The following DENND2B variants were observed in gnomAD, a reference collection of about 807,000 sequenced individuals.
The protein encoded by DENND2B is DENN domain-containing protein 2B.
DENND2B carries 32 observed loss-of-function variants against 116.0 expected under a neutral mutation model. The observed-to-expected ratio is 0.28, with a 90% confidence interval of 0.21 to 0.37. The LOEUF (loss-of-function observed/expected upper bound fraction) is 0.37, where lower values mean the gene tolerates loss of function less well. DENND2B is among the 10% of genes least tolerant of loss of function. DENND2B has a pLI of 1.00. For synonymous variants in DENND2B, 588 were observed against 583.9 expected, an observed-to-expected ratio of 1.01 and a Z score of -0.10; for missense variants, 1,276 against 1,477.7, an observed-to-expected ratio of 0.86 and a Z score of 2.24.
intron 2 of DENND2B, among the ~76,000 whole-genome samples, chr11:8,858,891 T>C (rs1026721049): frequency 3.3e-5 from 5 of 152,214 alleles, no homozygotes; most frequent in African/African-American, 9.6e-5. Context: ...TATAAGGTTG[T>C]CTGGAAGGCT....
chr11:8,876,108 G>A (rs188967776), upstream of DENND2B, among the ~76,000 whole-genome samples: 4 of 152,158 alleles, frequency 2.6e-5, no homozygotes, highest in Admixed American at 6.5e-5. Flanking sequence ...ACTATAGGCC[G>A]GGCATGGTGG....
At chr11:8,832,968 G>A (rs887744647) in intron 4 of DENND2B, among the ~76,000 whole-genome samples, 3 of 152,260 alleles carry the variant, frequency 2.0e-5, no homozygotes, top group Non-Finnish European at 4.4e-5. Context: ...GCCCAAGGCA[G>A]GCACGCAGAT....
At chr11:8,836,306 G>A (rs1248305436) in intron 4 of DENND2B, among the ~76,000 whole-genome samples, 1 of 151,472 alleles carries the variant, frequency 6.6e-6, no homozygotes, top group Non-Finnish European at 1.5e-5. Flanking sequence ...ACTTTCTCTA[G>A]CAAGTTTCAG....
Position 8,730,567 on chromosome 11 carries a change from C to T in DENND2B, c.723G>A (p.Glu241=), listed in dbSNP as rs778226110. ...GGACAGGGAGCGCCTCTCCCTCCTC[C>T]TCAGTCTCTGGGTAGGAACACTCGG... ...TFSECSYPET[E]EEGEALPVRD... The change falls in exon 3 of 20, where the codon GAG becomes GAA. Residue 241 remains glutamate, a synonymous_variant. Coordinates refer to ENST00000313726, the MANE Select transcript of DENND2B (RefSeq NM_213618.2). This position sits in a 1 kb window ranked among gnomAD's most constrained non-coding sequence, Gnocchi z 4.1. 1.7e-5 allele frequency: 27 copies of T among 1,613,124 alleles called. No homozygotes were observed. Among genetic ancestry groups the T allele is most frequent in the Non-Finnish European group, 1.8e-5 (21 of 1,180,050 alleles).
chr11:8,815,052 C>G (rs1274539679), upstream of DENND2B, among the ~76,000 whole-genome samples: 1 of 151,998 alleles, frequency 6.6e-6, no homozygotes, highest in African/African-American at 2.4e-5. Context: ...ACAGCTGCTC[C>G]CATTACCAGT....
rs528897604 is a variant in DENND2B at position 8,796,154 on chromosome 11, G to C, written c.-26+14363C>G. Among the ~76,000 whole-genome samples, 45 of 152,250 alleles carry C rather than the reference G, an allele frequency of 3.0e-4. 1 individual carries two copies. In the South Asian group the frequency reaches 9.1e-3, roughly 31 times the overall value. The stretch of plus-strand genomic sequence containing the variant: ...TGACCACAGATCTCATGAACACCAA[G>C]GAATGAGAGTTTATAAACACTGCAT... On this transcript the variant is annotated intron_variant, in intron 1 of 19. Coordinates refer to ENST00000313726, the MANE Select transcript of DENND2B (RefSeq NM_213618.2).
At chr11:8,751,393 C>G (rs542001062) in intron 1 of DENND2B, among the ~76,000 whole-genome samples, 2 of 152,244 alleles carry the variant, frequency 1.3e-5, no homozygotes, top group South Asian at 2.1e-4. Context: ...AGCAGGCTGC[C>G]CAAGCCAGCA....
upstream of DENND2B, among the ~76,000 whole-genome samples, chr11:8,875,752 T>A (rs2063834600): frequency 6.6e-6 from 1 of 152,042 alleles, no homozygotes; most frequent in Admixed American, 6.6e-5. Flanking sequence ...AAAAAAAATT[T>A]TTTATATGTA....
intron 2 of DENND2B, among the ~76,000 whole-genome samples, chr11:8,743,300 A>T (rs1428474183): frequency 6.6e-6 from 1 of 152,080 alleles, no homozygotes; most frequent in Non-Finnish European, 1.5e-5. Context: ...CTATAATTCC[A>T]GCACTTTGGG....
At chr11:8,709,568 C>T (rs1473752720) in intron 11 of DENND2B, among the ~76,000 whole-genome samples, 1 of 152,160 alleles carries the variant, frequency 6.6e-6, no homozygotes, top group African/African-American at 2.4e-5. Context: ...GGCATCACTC[C>T]TGTGCATACG....
At chr11:8,746,463 C>T (rs1005347719) in intron 2 of DENND2B, among the ~76,000 whole-genome samples, 1 of 152,148 alleles carries the variant, frequency 6.6e-6, no homozygotes, top group Non-Finnish European at 1.5e-5. Flanking sequence ...GAGAATGTAT[C>T]GGGCCTCCAA....
Position 8,720,650 on chromosome 11 carries a change from C to A in DENND2B, c.1478-2758G>T, listed in dbSNP as rs574886863. ...GCTTGGTCCCTTCACTGCCCTAACT[C>A]ATCTCTCAGCTTCCTGGACCATTCC... On this transcript the variant is annotated intron_variant, in intron 4 of 19. Coordinates refer to ENST00000313726, the MANE Select transcript of DENND2B (RefSeq NM_213618.2). Among the ~76,000 whole-genome samples, 2 of 152,360 alleles carry A rather than the reference C, an allele frequency of 1.3e-5. 1 individual carries two copies. Among genetic ancestry groups the A allele is most frequent in the South Asian group, 4.1e-4 (2 of 4,832 alleles).
At chr11:8,844,097 G>A (rs1445060073) in intron 3 of DENND2B, among the ~76,000 whole-genome samples, 1 of 152,122 alleles carries the variant, frequency 6.6e-6, no homozygotes, top group East Asian at 1.9e-4. Context: ...TCTAAATATT[G>A]GCATTTTATA....
chr11:8,844,166 G>A (rs1057334350), intron 3 of DENND2B, among the ~76,000 whole-genome samples: 1 of 152,106 alleles, frequency 6.6e-6, no homozygotes, highest in African/African-American at 2.4e-5. Flanking sequence ...TGAGGAGGCT[G>A]AGGTGGGAGA....
chr11:8,740,962 C>T lies in DENND2B; in HGVS notation c.80+9659G>A, dbSNP rs534228083. ...TTTGTTCCCCAGCCTAGAGCAGAAA[C>T]TTGCCCAGTAACAAGACATAGACAT... On this transcript the variant is annotated intron_variant, in intron 2 of 19. Coordinates refer to ENST00000313726, the MANE Select transcript of DENND2B (RefSeq NM_213618.2). 3.9e-5 allele frequency among the ~76,000 whole-genome samples: 6 copies of T among 152,362 alleles called. No homozygotes were observed. The South Asian group carries it at 1.2e-3, about 32-fold the overall frequency.
chr11:8,738,843 A>C (rs1210969294), intron 2 of DENND2B, among the ~76,000 whole-genome samples: 1 of 152,044 alleles, frequency 6.6e-6, no homozygotes, highest in African/African-American at 2.4e-5. Flanking sequence ...TTCCCTCCTT[A>C]TCAATCCTGT....
chr11:8,862,207 A>C lies in DENND2B; in HGVS notation c.-249-4771T>G, dbSNP rs1594282640. ...TAAAAAATACATATTTTTAAAATAT[A>C]ATAATAATGAAACATTTAAAAATAA... On this transcript the variant is annotated intron_variant, in intron 2 of 6. Transcript: ENST00000524757. 2.6e-5 allele frequency among the ~76,000 whole-genome samples: 4 copies of C among 152,240 alleles called. No homozygotes were observed. The South Asian group carries it at 8.3e-4, about 32-fold the overall frequency.
chr11:8,892,787 A>C (rs1414586578), intron 1 of DENND2B, among the ~76,000 whole-genome samples: 6 of 151,920 alleles, frequency 3.9e-5, no homozygotes, highest in Non-Finnish European at 8.8e-5. Context: ...TCCAGGACCA[A>C]ATGGATTCAC....
chr11:8,730,064 C>A lies in DENND2B; in HGVS notation c.1226G>T (p.Gly409Val). Residue 409 changes from glycine (G) to valine (V), a missense_variant, in exon 3 of 20, where the codon GGT becomes GTT. Physicochemically the swap from Gly to Val is moderately radical, Grantham distance 109. Transcript: ENST00000313726. The surrounding 1 kb of genome is among the most constrained non-coding windows in gnomAD (Gnocchi z 4.1). Reference protein sequence around the residue: ...DKNPKSKPSNGLPPSPTPAAP... With the variant: ...DKNPKSKPSNVLPPSPTPAAP... Reference sequence around the variant, plus strand: ...AGCAGGTGTGGGTGAAGGAGGTAGACCATTACTGGGCTTACTCTTGGGGTT... The same window carrying A: ...AGCAGGTGTGGGTGAAGGAGGTAGAACATTACTGGGCTTACTCTTGGGGTT... 1 of 1,614,148 alleles carries A rather than the reference C, an allele frequency of 6.2e-7. No homozygotes were observed. Among genetic ancestry groups the A allele is most frequent in the Non-Finnish European group, 8.5e-7 (1 of 1,180,020 alleles).
Sources: gnomAD v4.1 joint callset for allele counts (sites outside exome capture counted in the v4.1 genomes callset) on GRCh38, gnomAD v4.1.1 for gene constraint, Gnocchi (gnomAD v3.1) non-coding constraint, MANE v1.5 for transcripts, NCBI Gene and HGNC (gene_info 2026-07-23, HGNC 2026-07-21) for gene names.